MORC3: variants seen among roughly 807,000 people sequenced by gnomAD.
MORC3 encodes the protein MORC family CW-type zinc finger 3.
A neutral mutation model predicts 109.1 loss-of-function variants in MORC3; 31 were observed. The ratio of observed to expected loss-of-function variants is 0.28; its 90% CI spans 0.21 to 0.38. MORC3 has a LOEUF of 0.38. Among genes scored for constraint, MORC3 ranks in the 10% least tolerant of loss-of-function variants. MORC3 has a pLI of 1.00. For missense variants in MORC3, 867 were observed against 1,135.8 expected (o/e 0.76, Z 3.40); for synonymous variants, 395 against 380.7 (o/e 1.04, Z -0.44).
At chr21:36,363,067 G>A (rs1053389014) in intron 13 of MORC3, among the ~76,000 whole-genome samples, 2 of 152,002 alleles carry the variant, frequency 1.3e-5, no homozygotes, top group African/African-American at 4.8e-5. Context: ...AAAGAGCTTT[G>A]GTTGAGTATA....
At chr21:36,325,618 C>T (rs1011258127) in intron 1 of MORC3, among the ~76,000 whole-genome samples, 1 of 152,220 alleles carries the variant, frequency 6.6e-6, no homozygotes, top group African/African-American at 2.4e-5. Flanking sequence ...TTCTCCAGCA[C>T]CTGACAAACA....
rs1014937414 is a variant in MORC3 at position 36,367,785 on chromosome 21, G to C, written c.1620-1203G>C. 2.6e-5 allele frequency among the ~76,000 whole-genome samples: 4 copies of C among 152,104 alleles called. No homozygotes were observed. In the East Asian group the frequency reaches 5.8e-4, roughly 22 times the overall value. On this transcript the variant is annotated intron_variant, in intron 14 of 16. Coordinates refer to ENST00000400485, the MANE Select transcript of MORC3 (RefSeq NM_015358.3). ...TTTCAGAAAGAAACAGATTATGTACGGGCAAGAGATGAGGAATTAGAATGG... is the reference window on the plus strand; with the variant it reads ...TTTCAGAAAGAAACAGATTATGTACCGGCAAGAGATGAGGAATTAGAATGG...
intron 15 of MORC3, 96 bp downstream of exon 15, chr21:36,369,972 A>G: frequency 7.0e-7 from 1 of 1,427,056 alleles, no homozygotes; most frequent in Non-Finnish European, 9.4e-7. Context: ...CATACCTGTA[A>G]TCCCACCACT....
Position 36,362,242 on chromosome 21 carries a change from C to CG in MORC3, c.1452+14_1452+15insG, listed in dbSNP as rs2085725863. The CG allele has an allele frequency of 2.8e-6, 4 of 1,441,142 alleles. No individual in the cohort carries two copies. The highest frequency in any genetic ancestry group is 2.8e-6 in the Non-Finnish European group (3 of 1,080,716). 89.3% of individuals were successfully genotyped at this position (1,441,142 alleles called of 1,614,324 possible). A position where few individuals can be genotyped will look rare whatever the true frequency, so the allele number is the denominator to read the frequency against. ...ATGATCCCTCGGGTAATTAAGCCTT[C>CG]TTTTTTTTTTTTTTTTTTAAATAGA... On this transcript the variant is annotated intron_variant, in intron 13 of 16. Coordinates refer to ENST00000400485, the MANE Select transcript of MORC3 (RefSeq NM_015358.3).
At chr21:36,336,118 A>G (rs1227057801) in intron 2 of MORC3, among the ~76,000 whole-genome samples, 1 of 142,578 alleles carries the variant, frequency 7.0e-6, no homozygotes, top group Non-Finnish European at 1.5e-5. Flanking sequence ...TTTAATACAG[A>G]TGGGATTTCA....
chr21:36,320,426 G>A (rs1426145756), intron 1 of MORC3, 123 bp downstream of exon 1: 4 of 983,500 alleles, frequency 4.1e-6, no homozygotes, highest in African/African-American at 3.4e-5. Context: ...CTGCGGCGGG[G>A]CCCGGGGAGG....
rs1488624822 is a variant in MORC3 at position 36,354,319 on chromosome 21, C to G, written c.1104-2301C>G. Among the ~76,000 whole-genome samples, 198 of 97,080 alleles carry G rather than the reference C, an allele frequency of 2.0e-3. 2 individuals carry two copies. Among genetic ancestry groups the G allele is most frequent in the Non-Finnish European group, 3.1e-3 (155 of 49,262 alleles). 63.7% of individuals were successfully genotyped at this position (97,080 alleles called of 152,430 possible). ...CCATTTTTGTTTTCTTTCTTTCTTT[C>G]TTTCTTTTTTTTTTTTTTTTTTGAG... On this transcript the variant is annotated intron_variant, in intron 9 of 16. Transcript: ENST00000400485.
intron 4 of MORC3, among the ~76,000 whole-genome samples, chr21:36,338,237 A>T (rs899734601): frequency 6.6e-6 from 1 of 152,200 alleles, no homozygotes; most frequent in Non-Finnish European, 1.5e-5. Context: ...TGGCTTGAAA[A>T]TTTGACTAGT....
intron 8 of MORC3, among the ~76,000 whole-genome samples, chr21:36,348,479 C>T (rs188902014): frequency 0.01 from 1,555 of 152,308 alleles, 27 homozygotes; most frequent in African/African-American, 0.036. Flanking sequence ...ACGATCTCAG[C>T]TCACTGCAAC....
In MORC3 at chr21:36,375,176, A is replaced by G. The variant is rs1486746199; in HGVS notation, c.2700A>G (p.Gly900=). Residue 900 remains glycine (G), a synonymous_variant, in exon 17 of 17, where the codon GGA becomes GGG. Transcript: ENST00000400485. ...TCCGATCTCTTCGAGTTAACGTAGGACAACTGCTGGCTATGATTGTGCCTG... is the reference window on the plus strand; with the variant it reads ...TCCGATCTCTTCGAGTTAACGTAGGGCAACTGCTGGCTATGATTGTGCCTG... The part of the protein sequence containing the change: ...LKLRSLRVNV[G]QLLAMIVPDL... 1 of 1,613,864 alleles carries G rather than the reference A, an allele frequency of 6.2e-7. No homozygotes were observed. Among genetic ancestry groups the G allele is most frequent in the Non-Finnish European group, 8.5e-7 (1 of 1,179,928 alleles).
rs776805378 is a variant in MORC3 at position 36,364,153 on chromosome 21, A to G, written c.1513A>G (p.Lys505Glu). 1.5e-5 allele frequency: 24 copies of G among 1,614,152 alleles called. No homozygotes were observed. The highest frequency in any genetic ancestry group is 1.9e-5 in the Non-Finnish European group (23 of 1,180,002). ...ALSTPSFSSP[K>E]ESVPRRHLSE... Reference sequence around the variant, plus strand: ...TTCAACTCCAAGCTTTTCTTCTCCTAAGGAAAGTGTTCCAAGAAGACATCT... The same window carrying G: ...TTCAACTCCAAGCTTTTCTTCTCCTGAGGAAAGTGTTCCAAGAAGACATCT... The change falls in exon 14 of 17, where the codon AAG becomes GAG. Residue 505 changes from lysine (K) to glutamate (E), a missense_variant. Lys to Glu is a moderately conservative substitution (Grantham distance 56). This residue lies in a region of MORC3 where 486 missense variants were observed against 502.1 expected (regional missense o/e 0.97). Transcript: ENST00000400485.
chr21:36,342,912 G>A (rs2085466479), intron 6 of MORC3, among the ~76,000 whole-genome samples: 1 of 151,216 alleles, frequency 6.6e-6, no homozygotes, highest in Admixed American at 6.6e-5. Context: ...CCAGCGGCTT[G>A]GGAGGCTGAG....
intron 9 of MORC3, among the ~76,000 whole-genome samples, chr21:36,353,317 A>G (rs1217952771): frequency 7.2e-6 from 1 of 138,846 alleles, no homozygotes; most frequent in Non-Finnish European, 1.5e-5. Flanking sequence ...AGATTGAGCC[A>G]CTACATTCCA....
chr21:36,328,231 A>G (rs2085272070), intron 1 of MORC3, among the ~76,000 whole-genome samples: 1 of 150,126 alleles, frequency 6.7e-6, no homozygotes, highest in African/African-American at 2.4e-5. Context: ...AAAAATGTAT[A>G]TTTGTTCTTT....
In MORC3 at chr21:36,349,368, A is replaced by G; in HGVS notation, c.1063A>G (p.Thr355Ala). Residue 355 changes from threonine to alanine, a missense_variant, in exon 9 of 17, where the codon ACT becomes GCT. This residue lies in a region of MORC3 where 120 missense variants were observed against 259.7 expected (regional missense o/e 0.46). Transcript: ENST00000400485. ...GIIECNFLKP[T>A]HNKQDFDYTN... Reference sequence around the variant, plus strand: ...TATAGAGTGTAATTTCCTTAAGCCAACTCATAATAAACAAGATTTCGACTA... The same window carrying G: ...TATAGAGTGTAATTTCCTTAAGCCAGCTCATAATAAACAAGATTTCGACTA... 6.2e-7 allele frequency: 1 copy of G among 1,610,624 alleles called. No homozygotes were observed. Among genetic ancestry groups the G allele is most frequent in the Non-Finnish European group, 8.5e-7 (1 of 1,178,820 alleles).
chr21:36,353,517 G>A (rs1404460114), intron 9 of MORC3, among the ~76,000 whole-genome samples: 1 of 151,768 alleles, frequency 6.6e-6, no homozygotes, highest in Non-Finnish European at 1.5e-5. Flanking sequence ...GATGTGGGTA[G>A]ATCACTTGAG....
intron 5 of MORC3, 110 bp from the exon 6 acceptor site, chr21:36,341,289 A>G: frequency 2.9e-6 from 3 of 1,021,190 alleles, no homozygotes; most frequent in South Asian, 1.7e-5. Context: ...ACTGACGTGC[A>G]CCATGTGTAG....
chr21:36,339,965 C>T (rs1208842715), intron 5 of MORC3, among the ~76,000 whole-genome samples: 1 of 152,072 alleles, frequency 6.6e-6, no homozygotes, highest in Non-Finnish European at 1.5e-5. Flanking sequence ...TTCAGTTTCC[C>T]CTGCTGGTAA....
chr21:36,343,369 C>T (rs1264043499), intron 6 of MORC3, among the ~76,000 whole-genome samples: 1 of 151,890 alleles, frequency 6.6e-6, no homozygotes, highest in African/African-American at 2.4e-5. Context: ...GTTGGGATTA[C>T]AGGTGTGAAC....
Sources: allele counts gnomAD v4.1 joint callset (sites outside exome capture counted in the v4.1 genomes callset), GRCh38; gene constraint gnomAD v4.1.1; regional missense constraint gnomAD v4.1.1; transcripts MANE v1.5; gene names NCBI Gene and HGNC (gene_info 2026-07-23, HGNC 2026-07-21).